Variants in SSBP2 observed in about 807,000 individuals in gnomAD.
SSBP2 encodes single-stranded DNA-binding protein 2.
Under a neutral mutation model 61.8 loss-of-function variants are expected in SSBP2, and 17 were observed. The ratio of observed to expected loss-of-function variants is 0.28; its 90% CI spans 0.19 to 0.41. SSBP2 has a LOEUF of 0.41. SSBP2 is among the 10% of genes least tolerant of loss of function. The pLI, the probability that SSBP2 is intolerant of heterozygous loss-of-function variation, is 1.00. For missense variants in SSBP2, 310 were observed against 458.7 expected, an observed-to-expected ratio of 0.68 and a Z score of 2.96; for synonymous variants, 139 against 141.3, an observed-to-expected ratio of 0.98 and a Z score of 0.12.
At chr5:81,603,750 G>A (rs556407687) in intron 4 of SSBP2, among the ~76,000 whole-genome samples, 4 of 152,198 alleles carry the variant, frequency 2.6e-5, no homozygotes, top group East Asian at 1.9e-4. Context: ...TTAGGTTCAC[G>A]TCTTACGATG....
At chr5:81,528,721 T>C (rs779818881) in intron 4 of SSBP2, among the ~76,000 whole-genome samples, 20 of 152,094 alleles carry the variant, frequency 1.3e-4, no homozygotes, top group Non-Finnish European at 2.9e-4. Flanking sequence ...TAAGATTAGA[T>C]GCACTGTTTA....
intron 4 of SSBP2, among the ~76,000 whole-genome samples, chr5:81,614,121 G>A (rs531427936): frequency 7.8e-4 from 119 of 152,220 alleles, no homozygotes; most frequent in African/African-American, 2.7e-3. Context: ...AGCACTTTGG[G>A]AGGCCGAGGC....
intron 2 of SSBP2, among the ~76,000 whole-genome samples, chr5:81,641,389 C>T (rs1748771156): frequency 6.6e-6 from 1 of 152,148 alleles, no homozygotes; most frequent in South Asian, 2.1e-4. Flanking sequence ...TTCATGCTCA[C>T]AATATTTTTT....
intron 4 of SSBP2, among the ~76,000 whole-genome samples, chr5:81,554,680 T>G (rs1023623187): frequency 6.6e-6 from 1 of 152,092 alleles, no homozygotes; most frequent in Admixed American, 6.6e-5. Context: ...AAAAAGAGGT[T>G]TAGAATTGTT....
At chr5:81,706,081 A>G (rs1159285737) in intron 1 of SSBP2, among the ~76,000 whole-genome samples, 2 of 152,226 alleles carry the variant, frequency 1.3e-5, no homozygotes, top group South Asian at 2.1e-4. Flanking sequence ...TAGCAAAGAC[A>G]TGGAATCAAT....
At chr5:81,739,822 AATT>A (rs1331033595) in intron 1 of SSBP2, among the ~76,000 whole-genome samples, 1 of 152,180 alleles carries the variant, frequency 6.6e-6, no homozygotes, top group African/African-American at 2.4e-5. Context: ...TTCTATATAC[AATT>A]ATTATTCTGT....
chr5:81,691,319 G>C (rs1753186526), intron 1 of SSBP2, among the ~76,000 whole-genome samples: 1 of 151,806 alleles, frequency 6.6e-6, no homozygotes, highest in Non-Finnish European at 1.5e-5. Flanking sequence ...CCTTTACCCA[G>C]ACTAAGAATA....
intron 4 of SSBP2, among the ~76,000 whole-genome samples, chr5:81,599,734 G>A (rs930426445): frequency 6.6e-6 from 1 of 152,076 alleles, no homozygotes; most frequent in Admixed American, 6.5e-5. Context: ...AATATGTATC[G>A]AGGGCCCACT....
At chr5:81,434,452 G>A (rs1357268869) in intron 15 of SSBP2, among the ~76,000 whole-genome samples, 10 of 151,848 alleles carry the variant, frequency 6.6e-5, no homozygotes. Context: ...GAGGTCAGGA[G>A]TTCCAGACCA....
intron 4 of SSBP2, among the ~76,000 whole-genome samples, chr5:81,566,117 TGTTA>T (rs1257941743): frequency 8.5e-5 from 13 of 152,230 alleles, no homozygotes; most frequent in Admixed American, 2.0e-4. Context: ...ATTATTTATT[TGTTA>T]AAGACAAGTA....
chr5:81,733,042 A>G (rs1756370463), intron 1 of SSBP2, among the ~76,000 whole-genome samples: 1 of 152,244 alleles, frequency 6.6e-6, no homozygotes, highest in East Asian at 1.9e-4. Flanking sequence ...AGACCCTCCA[A>G]TTTGGGTAAC....
chr5:81,676,740 C>T (rs1005955329), intron 1 of SSBP2, among the ~76,000 whole-genome samples: 20 of 151,982 alleles, frequency 1.3e-4, no homozygotes, highest in African/African-American at 3.4e-4. Flanking sequence ...ATAGAAATTA[C>T]GCAAATAAAT....
intron 1 of SSBP2, among the ~76,000 whole-genome samples, chr5:81,710,459 A>G (rs1754696064): frequency 6.6e-6 from 1 of 152,030 alleles, no homozygotes; most frequent in South Asian, 2.1e-4. Flanking sequence ...AAATGTCATG[A>G]TAAGGACCTA....
chr5:81,628,006 A>T (rs1278224149), intron 3 of SSBP2, among the ~76,000 whole-genome samples: 1 of 152,114 alleles, frequency 6.6e-6, no homozygotes, highest in African/African-American at 2.4e-5. Flanking sequence ...TGGAGGCTGC[A>T]GCGAGCTATG....
chr5:81,439,710 C>G (rs1483273074), intron 14 of SSBP2, among the ~76,000 whole-genome samples: 4 of 137,216 alleles, frequency 2.9e-5, no homozygotes, highest in African/African-American at 1.1e-4. Context: ...CTTGCTCTGT[C>G]ACCCAGGCCA....
chr5:81,422,800 G>C (rs958574460), intron 16 of SSBP2, among the ~76,000 whole-genome samples: 5 of 152,190 alleles, frequency 3.3e-5, no homozygotes, highest in Admixed American at 2.6e-4. Context: ...TGATGACATG[G>C]AACTGATCCC....
At chr5:81,485,133 G>C (rs1283984920) in intron 6 of SSBP2, among the ~76,000 whole-genome samples, 3 of 152,032 alleles carry the variant, frequency 2.0e-5, no homozygotes, top group Non-Finnish European at 4.4e-5. Flanking sequence ...CTCGGTTCCA[G>C]GTTACAGATG....
At chr5:81,432,348 G>A (rs1336515630) in intron 15 of SSBP2, among the ~76,000 whole-genome samples, 1 of 152,190 alleles carries the variant, frequency 6.6e-6, no homozygotes, top group East Asian at 1.9e-4. Context: ...AACATGATAT[G>A]ATCAGAGCTT....
chr5:81,482,908 A>T (rs946353223), intron 6 of SSBP2, among the ~76,000 whole-genome samples: 5 of 152,132 alleles, frequency 3.3e-5, no homozygotes, highest in Admixed American at 3.3e-4. Flanking sequence ...TTAGCTTCTG[A>T]TTTAAAGTGA....
Sources: allele counts gnomAD v4.1 joint callset (sites outside exome capture counted in the v4.1 genomes callset), GRCh38; gene constraint gnomAD v4.1.1; transcripts MANE v1.5; gene names NCBI Gene and HGNC (gene_info 2026-07-23, HGNC 2026-07-21).